AGBL5: variants seen among roughly 807,000 people sequenced by gnomAD.
AGBL5 encodes the protein cytosolic carboxypeptidase-like protein 5.
Under a neutral mutation model 88.0 loss-of-function variants are expected in AGBL5, and 51 were observed. That is an observed-to-expected ratio of 0.58 (90% CI 0.46 to 0.73). AGBL5 has a LOEUF of 0.73. Among genes scored for constraint, AGBL5 ranks in the 30% least tolerant of loss-of-function variants. The pLI, the probability that AGBL5 is intolerant of heterozygous loss-of-function variation, is 0.00. For missense variants in AGBL5, 1,031 were observed against 1,162.2 expected, an observed-to-expected ratio of 0.89 and a Z score of 1.64; for synonymous variants, 446 against 438.8, an observed-to-expected ratio of 1.02 and a Z score of -0.21.
chr2:27,058,798 A>C (rs1668568949), intron 10 of AGBL5, among the ~76,000 whole-genome samples, 196 bp downstream of exon 10: 1 of 152,238 alleles, frequency 6.6e-6, no homozygotes. Context: ...TCTGAGCTAC[A>C]TACACCTAAG....
Position 27,054,074 on chromosome 2 carries a change from C to G in AGBL5, c.551+15C>G. 6.2e-7 allele frequency: 1 copy of G among 1,603,788 alleles called. No homozygotes were observed. Among genetic ancestry groups the G allele is most frequent in the South Asian group, 1.1e-5 (1 of 90,108 alleles). On this transcript the variant is annotated intron_variant, in intron 4 of 14. Coordinates refer to ENST00000360131, the MANE Select transcript of AGBL5 (RefSeq NM_021831.6). ...ACCCATAGCAGGTGCCAGCCCCATT[C>G]TTACTCCTGCCACACAGTCCTGGAT...
At chr2:27,054,163 CT>C in intron 4 of AGBL5, 104 bp downstream of exon 4, 1 of 1,380,836 alleles carries the variant, frequency 7.2e-7, no homozygotes, top group Non-Finnish European at 9.8e-7. Flanking sequence ...TTTCATCCGT[CT>C]TTTTTCTGTA....
chr2:27,053,019 C>G lies in AGBL5; in HGVS notation c.61C>G (p.His21Asp). The change falls in exon 2 of 15, where the codon CAC becomes GAC. Residue 21 changes from histidine (H) to aspartate (D), a missense_variant. Physicochemically the swap from His to Asp is moderately conservative, Grantham distance 81. Coordinates refer to ENST00000360131, the MANE Select transcript of AGBL5 (RefSeq NM_021831.6). The surrounding 1 kb of genome is among the most constrained non-coding windows in gnomAD (Gnocchi z 4.9). ...TCGCTTTGATTCAGGGAATCTAGCC[C>G]ACGTGGAGAAGGTGGAATCTTTGTC... Reference protein sequence around the residue: ...SSRFDSGNLAHVEKVESLSSD... With the variant: ...SSRFDSGNLADVEKVESLSSD... 1 of 1,613,666 alleles carries G rather than the reference C, an allele frequency of 6.2e-7. No individual in the cohort carries two copies. The highest frequency in any genetic ancestry group is 8.5e-7 in the Non-Finnish European group (1 of 1,179,822).
rs1669220113 is a variant in AGBL5 at position 27,070,233 on chromosome 2, T to TC, written c.2636dup (p.Leu880ThrfsTer24). ...CTGAGGTTTGTTTTGTCCCTAAATCTCCCCCACTGACTGTTTCTCCCCGGG... is the reference window on the plus strand; with the variant it reads ...CTGAGGTTTGTTTTGTCCCTAAATCTCCCCCCACTGACTGTTTCTCCCCGGG... On this transcript the variant is annotated frameshift_variant, in exon 15 of 15. Coordinates refer to ENST00000360131, the MANE Select transcript of AGBL5 (RefSeq NM_021831.6). LOFTEE classifies it high-confidence loss of function. 5.0e-6 allele frequency: 8 copies of TC among 1,614,172 alleles called. No homozygotes were observed. The highest frequency in any genetic ancestry group is 1.1e-5 in the South Asian group (1 of 91,092).
intron 13 of AGBL5, 189 bp downstream of exon 13, chr2:27,068,933 G>A: frequency 1.3e-6 from 2 of 1,496,808 alleles, no homozygotes. Context: ...ATCCCCATCA[G>A]CCAGGTCATT....
chr2:27,063,629 C>T (rs1382578506), intron 11 of AGBL5, among the ~76,000 whole-genome samples: 1 of 150,822 alleles, frequency 6.6e-6, no homozygotes. Context: ...TCCCACCTTT[C>T]TACCCCTCAG....
At chr2:27,063,633 C>G (rs1157602162) in intron 11 of AGBL5, among the ~76,000 whole-genome samples, 2 of 152,050 alleles carry the variant, frequency 1.3e-5, no homozygotes, top group Non-Finnish European at 2.9e-5. Flanking sequence ...ACCTTTCTAC[C>G]CCTCAGAGGG....
chr2:27,056,269 A>G, intron 7 of AGBL5, 131 bp downstream of exon 7: 2 of 965,140 alleles, frequency 2.1e-6, no homozygotes, highest in Non-Finnish European at 3.0e-6. Flanking sequence ...CTACCTCTGA[A>G]AAAGCTTTGA....
At chr2:27,065,408 A>G (rs904045875) in intron 11 of AGBL5, among the ~76,000 whole-genome samples, 3 of 152,224 alleles carry the variant, frequency 2.0e-5, no homozygotes, top group Non-Finnish European at 4.4e-5. Flanking sequence ...CCCAAAGGAT[A>G]TAACTGTATG....
rs913232105 is a variant in AGBL5, at chr2:27,053,177, T to C, written c.215+4T>C. 1.3e-6 allele frequency: 2 copies of C among 1,581,482 alleles called. No homozygotes were observed. The highest frequency in any genetic ancestry group is 8.6e-7 in the Non-Finnish European group (1 of 1,160,802). ...CGGAATTTGAGAATGGGAACAGGTA[T>C]ATGGAACGAAATGGAGGGTGGAAAA... On this transcript the variant is annotated splice_donor_region_variant and intron_variant, in intron 2 of 14. Transcript: ENST00000360131. This position sits in a 1 kb window ranked among gnomAD's most constrained non-coding sequence, Gnocchi z 4.9.
chr2:27,067,323 A>G (rs529932710), intron 11 of AGBL5, among the ~76,000 whole-genome samples, 171 bp from the exon 12 acceptor site: 3 of 150,852 alleles, frequency 2.0e-5, no homozygotes, highest in South Asian at 2.1e-4. Context: ...AATAAATAGT[A>G]GGTCTTTCTA....
chr2:27,066,524 CAAGGACAGAATGGTGGGGAAGA>C (rs1309604658), intron 11 of AGBL5, among the ~76,000 whole-genome samples: 1 of 152,080 alleles, frequency 6.6e-6, no homozygotes, highest in East Asian at 1.9e-4. Flanking sequence ...AGGAGAGGCC[CAAGGACAGAATGGTGGGGAAGA>C]CTTGACATTT....
At chr2:27,061,296 G>C (rs559286883) in intron 11 of AGBL5, 1 of 148,458 alleles carries the variant, frequency 6.7e-6, no homozygotes, top group East Asian at 2.0e-4. Context: ...GAGTGCAGTG[G>C]TGCGATCTTG....
chr2:27,057,824 C>T (rs1668514535), intron 9 of AGBL5, among the ~76,000 whole-genome samples: 1 of 152,164 alleles, frequency 6.6e-6, no homozygotes, highest in Non-Finnish European at 1.5e-5. Context: ...GCCTATAATC[C>T]CAGCACTTTG....
intron 11 of AGBL5, among the ~76,000 whole-genome samples, chr2:27,066,709 C>T (rs918857883): frequency 2.0e-5 from 3 of 151,870 alleles, no homozygotes; most frequent in Admixed American, 6.6e-5. Flanking sequence ...CTTTGGGAGG[C>T]GGAGGTGGGT....
chr2:27,057,106 G>A, intron 8 of AGBL5, 197 bp from the exon 9 acceptor site: 1 of 602,376 alleles, frequency 1.7e-6, no homozygotes, highest in Non-Finnish European at 2.8e-6. Flanking sequence ...TTTAGTCTAG[G>A]ACTCTACCTT....
At chr2:27,054,333 A>G in intron 4 of AGBL5, 1 of 553,318 alleles carries the variant, frequency 1.8e-6, no homozygotes, top group Non-Finnish European at 3.1e-6. Context: ...AGCCAGCATT[A>G]TGTGACTCAG....
intron 12 of AGBL5, 157 bp downstream of exon 12, chr2:27,067,803 T>A: frequency 2.4e-6 from 2 of 821,184 alleles, no homozygotes; most frequent in Non-Finnish European, 4.3e-6. Context: ...TGGAATTTAT[T>A]AATGTGTCTG....
rs759707734 is a variant in AGBL5, at chr2:27,070,229, A to C, written c.2627A>C (p.Lys876Thr). Residue 876 changes from lysine (K) to threonine (T), a missense_variant, in exon 15 of 15, where the codon AAA becomes ACA. Around this residue, in one of 2 missense-constraint regions of AGBL5, gnomAD observed 491 missense variants for 484.0 expected, o/e 1.01. Coordinates refer to ENST00000360131, the MANE Select transcript of AGBL5 (RefSeq NM_021831.6). ...CAACCTGAGGTTTGTTTTGTCCCTA[A>C]ATCTCCCCCACTGACTGTTTCTCCC... ...LGQPEVCFVP[K>T]SPPLTVSPRV is the part of the protein sequence containing the mutation. The C allele has an allele frequency of 4.3e-6, 7 of 1,614,084 alleles. No individual in the cohort carries two copies. The highest frequency in any genetic ancestry group is 5.9e-6 in the Non-Finnish European group (7 of 1,179,992).
Sources: gnomAD v4.1 joint callset for allele counts (sites outside exome capture counted in the v4.1 genomes callset) on GRCh38, gnomAD v4.1.1 for gene constraint, gnomAD v4.1.1 regional missense constraint, Gnocchi (gnomAD v3.1) non-coding constraint, MANE v1.5 for transcripts, NCBI Gene and HGNC (gene_info 2026-07-23, HGNC 2026-07-21) for gene names.